The following PCDHGB6 variants were observed in gnomAD, a reference collection of about 807,000 sequenced individuals.
PCDHGB6 encodes protocadherin gamma-B6.
PCDHGB6 carries 51 observed loss-of-function variants against 59.1 expected under a neutral mutation model. The ratio of observed to expected loss-of-function variants is 0.86; its 90% CI spans 0.69 to 1.09. The LOEUF (loss-of-function observed/expected upper bound fraction) is 1.09. Ranked by LOEUF, PCDHGB6 falls within the 50% of genes least tolerant of loss-of-function variation. The probability of loss-of-function intolerance (pLI) is 0.00; values close to 1 mark genes in which losing one functional copy is unlikely to be tolerated. For synonymous variants in PCDHGB6, 466 were observed against 495.1 expected (o/e 0.94, Z 0.78); for missense variants, 1,148 against 1,205.1 (o/e 0.95, Z 0.70).
At position 141,408,300 on chromosome 5, in the gene PCDHGB6, T is replaced by TC; in HGVS notation, c.100dup (p.Arg34ProfsTer19). On this transcript the variant is annotated frameshift_variant, in exon 1 of 4. Transcript: ENST00000520790. LOFTEE classifies it high-confidence loss of function. ...TTCTACCCCACCCTGAGTGAGCCGA[T>TC]CCGCTACTCGATTCCGGAGGAGCTG... 6.2e-7 allele frequency: 1 copy of TC among 1,613,732 alleles called. No individual in the cohort carries two copies. Among genetic ancestry groups the TC allele is most frequent in the South Asian group, 1.1e-5 (1 of 91,064 alleles).
intron 1 of PCDHGB6, among the ~76,000 whole-genome samples, chr5:141,484,675 T>C (rs1179759392): frequency 6.6e-6 from 1 of 152,042 alleles, no homozygotes; most frequent in African/African-American, 2.4e-5. Context: ...GGGCCGCAGG[T>C]TGCTAGGGCT....
At chr5:141,508,830 C>G (rs1320903059) in intron 3 of PCDHGB6, among the ~76,000 whole-genome samples, 2 of 152,150 alleles carry the variant, frequency 1.3e-5, no homozygotes, top group Non-Finnish European at 2.9e-5. Flanking sequence ...CTGGGCCCCC[C>G]TCCCCTACCC....
chr5:141,505,911 A>C (rs2099849083), intron 3 of PCDHGB6, among the ~76,000 whole-genome samples: 1 of 152,154 alleles, frequency 6.6e-6, no homozygotes, highest in South Asian at 2.1e-4. Flanking sequence ...CAAAGCATAG[A>C]GTTCTGGGCC....
chr5:141,413,352 G>C lies in PCDHGB6; in HGVS notation c.2418+2732G>C, dbSNP rs896091511. ...ACATCTCCAAGGACTTGGGTCTGGC[G>C]CCCCGGGAGCTGGCGGAGCGCGGAG... On this transcript the variant is annotated intron_variant, in intron 1 of 3. Coordinates refer to ENST00000520790, the MANE Select transcript of PCDHGB6 (RefSeq NM_018926.3). 1.9e-6 allele frequency: 3 copies of C among 1,613,858 alleles called. No homozygotes were observed. In the African/African-American group the frequency reaches 4.0e-5, roughly 22 times the overall value.
At chr5:141,424,610 ATAGAG>A (rs1374272828) in intron 1 of PCDHGB6, 2 of 152,216 alleles carry the variant, frequency 1.3e-5, no homozygotes, top group African/African-American at 4.8e-5. Flanking sequence ...ATTTATTCAA[ATAGAG>A]TAGTTTGTGA....
intron 1 of PCDHGB6, chr5:141,419,997 T>C: frequency 2.5e-6 from 4 of 1,614,088 alleles, no homozygotes; most frequent in Non-Finnish European, 3.4e-6. Flanking sequence ...GCTATTGCTC[T>C]ACGCCTGCGA....
At position 141,415,171 on chromosome 5, in the gene PCDHGB6, G is replaced by A. The variant is rs748508713; in HGVS notation, c.2418+4551G>A. ...TCTCTCCGCCACTGTCACGCTCACC[G>A]TGGCCGTGGCCGACAGCATCCCCCA... On this transcript the variant is annotated intron_variant, in intron 1 of 3. Coordinates refer to ENST00000520790, the MANE Select transcript of PCDHGB6 (RefSeq NM_018926.3). 8 of 1,613,876 alleles carry A rather than the reference G, an allele frequency of 5.0e-6. No homozygotes were observed. In the South Asian group the frequency reaches 6.6e-5, roughly 13 times the overall value.
chr5:141,450,650 C>G (rs1220350105), intron 1 of PCDHGB6, among the ~76,000 whole-genome samples: 1 of 151,618 alleles, frequency 6.6e-6, no homozygotes, highest in Non-Finnish European at 1.5e-5. Context: ...CCATGCCTGG[C>G]TAATTTTTGT....
chr5:141,417,701 C>T (rs1382264857), intron 1 of PCDHGB6: 1 of 1,192,516 alleles, frequency 8.4e-7, no homozygotes, highest in Admixed American at 3.0e-5. Flanking sequence ...CCAGCTCCCA[C>T]ACAGAGGCTC....
At chr5:141,428,020 C>A (rs1443722620) in intron 1 of PCDHGB6, 1 of 1,605,408 alleles carries the variant, frequency 6.2e-7, no homozygotes, top group Admixed American at 1.7e-5. Context: ...GTGCCACGCG[C>A]CGCAGAGTCC....
Position 141,503,868 on chromosome 5 carries a change from G to A in PCDHGB6, c.2478-1525G>A, listed in dbSNP as rs928240898. Among the ~76,000 whole-genome samples, 24 of 152,202 alleles carry A rather than the reference G, an allele frequency of 1.6e-4. No individual in the cohort carries two copies. The South Asian group carries it at 4.1e-3, about 26-fold the overall frequency. ...TTGGAAAAATTGTAAAGCAGTTCTT[G>A]GTTGTGCTCACCCACCATGACAAAA... On this transcript the variant is annotated intron_variant, in intron 2 of 3. Coordinates refer to ENST00000520790, the MANE Select transcript of PCDHGB6 (RefSeq NM_018926.3).
At chr5:141,419,977 G>A (rs962684463) in intron 1 of PCDHGB6, 1 of 1,614,066 alleles carries the variant, frequency 6.2e-7, no homozygotes, top group Non-Finnish European at 8.5e-7. Context: ...TTCTCCTCGC[G>A]GTGATTCTAG....
Position 141,408,159 on chromosome 5 carries a change from C to T in PCDHGB6, c.-44C>T, listed in dbSNP as rs1408291996. On this transcript the variant is annotated 5_prime_UTR_variant, in exon 1 of 4. Coordinates refer to ENST00000520790, the MANE Select transcript of PCDHGB6 (RefSeq NM_018926.3). ...CTTTTAGCGCGGTAGAGTGCACTTT[C>T]TCCAACTGGAAAAGCGGGGACCCAG... 3.9e-5 allele frequency: 59 copies of T among 1,516,228 alleles called. No individual in the cohort carries two copies. The highest frequency in any genetic ancestry group is 5.2e-5 in the Non-Finnish European group (59 of 1,129,534). The allele number at this position is 1,516,228 out of a possible 1,614,324, so 93.9% of individuals were successfully genotyped here.
At chr5:141,420,469 T>C in intron 1 of PCDHGB6, 1 of 724,306 alleles carries the variant, frequency 1.4e-6, no homozygotes. Flanking sequence ...AAAGACATTT[T>C]AAAGCAAACT....
At chr5:141,437,249 T>G (rs2097870737) in intron 1 of PCDHGB6, among the ~76,000 whole-genome samples, 1 of 152,240 alleles carries the variant, frequency 6.6e-6, no homozygotes, top group African/African-American at 2.4e-5. Context: ...GGACTTTCCT[T>G]GTCTTTTTAT....
intron 1 of PCDHGB6, chr5:141,419,971 C>T (rs1254783575): frequency 1.2e-6 from 2 of 1,613,942 alleles, no homozygotes; most frequent in African/African-American, 2.7e-5. Context: ...TGCTCTTTCT[C>T]CTCGCGGTGA....
chr5:141,408,687 T>C lies in PCDHGB6; in HGVS notation c.485T>C (p.Ile162Thr), dbSNP rs1394182828. 3 of 1,613,928 alleles carry C rather than the reference T, an allele frequency of 1.9e-6. No individual in the cohort carries two copies. The highest frequency in any genetic ancestry group is 2.2e-5 in the East Asian group (1 of 44,890). ...CTTGACCCTGCCACGGATCCTGATA[T>C]AAACATAAACTCAATTAAAGATTAT... ...LSLDPATDPD[I>T]NINSIKDYKI... The change falls in exon 1 of 4, where the codon ATA (isoleucine) becomes ACA (threonine). Residue 162 changes from isoleucine (I) to threonine (T), a missense_variant. Physicochemically the swap from Ile to Thr is moderately conservative, Grantham distance 89 (BLOSUM62 -1). Transcript: ENST00000520790.
chr5:141,455,541 A>G (rs2098825752), intron 1 of PCDHGB6, among the ~76,000 whole-genome samples: 1 of 152,134 alleles, frequency 6.6e-6, no homozygotes, highest in African/African-American at 2.4e-5. Context: ...CATATCATTC[A>G]CGTAGCCCGA....
At chr5:141,499,323 GCTCT>G (rs1259902316) in intron 2 of PCDHGB6, among the ~76,000 whole-genome samples, 1 of 152,046 alleles carries the variant, frequency 6.6e-6, no homozygotes, top group East Asian at 1.9e-4. Context: ...CAGTATCCCT[GCTCT>G]CTCTCAGTTT....
Sources: allele counts gnomAD v4.1 joint callset (sites outside exome capture counted in the v4.1 genomes callset), GRCh38; gene constraint gnomAD v4.1.1; transcripts MANE v1.5; gene names NCBI Gene and HGNC (gene_info 2026-07-23, HGNC 2026-07-21).